Variants in SPECC1 observed in about 807,000 individuals in gnomAD.
The protein encoded by SPECC1 is cytospin-B.
SPECC1 carries 62 observed loss-of-function variants against 104.1 expected under a neutral mutation model. That is an observed-to-expected ratio of 0.60 (90% CI 0.49 to 0.74). SPECC1 has a LOEUF of 0.74. Ranked by LOEUF, SPECC1 falls within the 30% of genes least tolerant of loss-of-function variation. SPECC1 has a pLI of 0.00. For synonymous variants in SPECC1, 513 were observed against 501.6 expected (o/e 1.02, Z -0.30); for missense variants, 1,306 against 1,310.5 (o/e 1.00, Z 0.05).
intron 7 of SPECC1, among the ~76,000 whole-genome samples, chr17:20,241,023 C>T (rs2039177277): frequency 6.6e-6 from 1 of 152,218 alleles, no homozygotes; most frequent in African/African-American, 2.4e-5. Context: ...GACGTTTGCC[C>T]CAGGTCCGTG....
intron 3 of SPECC1, among the ~76,000 whole-genome samples, chr17:20,188,795 C>T (rs985465128): frequency 3.3e-5 from 5 of 152,138 alleles, no homozygotes; most frequent in Admixed American, 6.5e-5. Context: ...TCAAAGGATA[C>T]GGACGATTCC....
intron 14 of SPECC1, among the ~76,000 whole-genome samples, chr17:20,310,317 C>T (rs2041896197): frequency 6.6e-6 from 1 of 152,180 alleles, no homozygotes; most frequent in South Asian, 2.1e-4. Flanking sequence ...CTCCAAAGTG[C>T]CTTCCACAGT....
At position 20,253,604 on chromosome 17, in the gene SPECC1, A is replaced by G; in HGVS notation, c.2680+18A>G. ...CCTCTCAGGTAAATTATGTCAACAT[A>G]AAGAACTTTTGACTTATCTTTCCGT... On this transcript the variant is annotated intron_variant, in intron 10 of 14. Transcript: ENST00000395527. The G allele has an allele frequency of 1.2e-6, 2 of 1,612,296 alleles. No homozygotes were observed. The highest frequency in any genetic ancestry group is 1.7e-6 in the Non-Finnish European group (2 of 1,178,834).
chr17:20,206,466 G>C (rs138705289), intron 4 of SPECC1, among the ~76,000 whole-genome samples: 63 of 152,172 alleles, frequency 4.1e-4, no homozygotes, highest in African/African-American at 1.5e-3. Flanking sequence ...TAATCATCCT[G>C]TACATGTTAT....
intron 3 of SPECC1, among the ~76,000 whole-genome samples, chr17:20,124,351 G>T (rs1032158033): frequency 6.6e-6 from 1 of 152,144 alleles, no homozygotes; most frequent in African/African-American, 2.4e-5. Context: ...GCAGTGGTGG[G>T]ATTCATCCAG....
chr17:20,144,175 CTTTTTTTTTT>C (rs1168474738), intron 3 of SPECC1, among the ~76,000 whole-genome samples: 35 of 94,376 alleles, frequency 3.7e-4, no homozygotes, highest in African/African-American at 8.6e-4. Flanking sequence ...TTTTTCTTTT[CTTTTTTTTTT>C]TTTTTTTTTT....
At chr17:20,018,592 C>T (rs575896176) in intron 1 of SPECC1, among the ~76,000 whole-genome samples, 1 of 152,156 alleles carries the variant, frequency 6.6e-6, no homozygotes, top group African/African-American at 2.4e-5. Flanking sequence ...GTTGGGGGCC[C>T]CCAGGACCAT....
At chr17:20,254,525 C>CA (rs376993657) in intron 10 of SPECC1, among the ~76,000 whole-genome samples, 63 of 152,324 alleles carry the variant, frequency 4.1e-4, no homozygotes, top group Non-Finnish European at 7.9e-4. Context: ...GTGCACATCT[C>CA]ACCTGCTGTT....
Position 20,317,289 on chromosome 17 carries a change from G to A in SPECC1, c.*3224G>A, listed in dbSNP as rs1001552676. 18 of 37,008 alleles carry A rather than the reference G, an allele frequency of 4.9e-4. No individual in the cohort carries two copies. In the East Asian group the frequency reaches 0.016, roughly 33 times the overall value. The allele number at this position is 37,008 out of a possible 1,614,324, so 2.3% of individuals were successfully genotyped here. A position where few individuals can be genotyped will look rare whatever the true frequency, so the allele number is the denominator to read the frequency against. ...TTTTTTTTTTTTTTTTTGAGAGAGC[G>A]TCTCACTTCTCTGTCACCCAGGCTA... On this transcript the variant is annotated 3_prime_UTR_variant, in exon 15 of 15. Transcript: ENST00000395527.
At chr17:20,022,700 T>A (rs1210683710) in intron 1 of SPECC1, among the ~76,000 whole-genome samples, 1 of 152,226 alleles carries the variant, frequency 6.6e-6, no homozygotes, top group African/African-American at 2.4e-5. Flanking sequence ...CTGGGCTGCC[T>A]ACCCACCTGT....
chr17:20,028,614 C>T (rs1284688884), intron 1 of SPECC1, among the ~76,000 whole-genome samples: 1 of 152,126 alleles, frequency 6.6e-6, no homozygotes, highest in Non-Finnish European at 1.5e-5. Flanking sequence ...ATTACTGTTG[C>T]TGTGTCGTAA....
intron 1 of SPECC1, among the ~76,000 whole-genome samples, chr17:20,095,001 G>A (rs902101826): frequency 2.0e-5 from 3 of 152,216 alleles, no homozygotes; most frequent in African/African-American, 7.2e-5. Flanking sequence ...CAGACTGACA[G>A]GTTGCTGGTT....
At chr17:20,169,409 T>G (rs948509860) in intron 3 of SPECC1, among the ~76,000 whole-genome samples, 1 of 152,220 alleles carries the variant, frequency 6.6e-6, no homozygotes, top group Non-Finnish European at 1.5e-5. Flanking sequence ...TTTTCCAAAA[T>G]GCCTTTTGGG....
intron 3 of SPECC1, among the ~76,000 whole-genome samples, chr17:20,130,001 G>C (rs1338618766): frequency 6.6e-6 from 1 of 151,808 alleles, no homozygotes; most frequent in Non-Finnish European, 1.5e-5. Flanking sequence ...TGATCCACCT[G>C]CCTCAGCCTC....
chr17:20,215,029 C>T (rs2037397963), intron 4 of SPECC1, among the ~76,000 whole-genome samples: 2 of 152,326 alleles, frequency 1.3e-5, no homozygotes, highest in South Asian at 4.1e-4. Flanking sequence ...ACAAGGATAC[C>T]CAGGCCTGCA....
chr17:20,245,973 G>A lies in SPECC1; in HGVS notation c.2399G>A (p.Arg800Gln), dbSNP rs149990857. The change falls in exon 8 of 15, where the codon CGG becomes CAG. Residue 800 changes from arginine (R) to glutamine (Q), a missense_variant. Physicochemically the swap from Arg to Gln is conservative, Grantham distance 43. Transcript: ENST00000395527. Reference sequence around the variant, plus strand: ...TCCTCTGAGGTCGATGCTGCTGGTCGGTGGCCTGGTGTCTGTGTTAGCAGA... The same window carrying A: ...TCCTCTGAGGTCGATGCTGCTGGTCAGTGGCCTGGTGTCTGTGTTAGCAGA... ...PESSEVDAAG[R>Q]WPGVCVSRTS... The A allele has an allele frequency of 4.7e-5, 76 of 1,614,004 alleles. No homozygotes were observed. Among genetic ancestry groups the A allele is most frequent in the African/African-American group, 9.3e-5 (7 of 74,910 alleles).
At chr17:20,072,997 G>A (rs960033361) in intron 1 of SPECC1, among the ~76,000 whole-genome samples, 18 of 152,154 alleles carry the variant, frequency 1.2e-4, no homozygotes, top group African/African-American at 9.7e-5. Flanking sequence ...AGCAGGGAAC[G>A]TGGACCCCAG....
chr17:20,184,528 G>A (rs936288838), intron 3 of SPECC1, among the ~76,000 whole-genome samples: 1 of 152,190 alleles, frequency 6.6e-6, no homozygotes, highest in African/African-American at 2.4e-5. Flanking sequence ...GTGATTAAAA[G>A]TATGAACTTT....
At chr17:20,170,420 A>G (rs1567898951) in intron 3 of SPECC1, among the ~76,000 whole-genome samples, 1 of 152,206 alleles carries the variant, frequency 6.6e-6, no homozygotes, top group African/African-American at 2.4e-5. Context: ...GGATTAAAGA[A>G]ATTATTTTAG....
Sources: allele counts gnomAD v4.1 joint callset (sites outside exome capture counted in the v4.1 genomes callset), GRCh38; gene constraint gnomAD v4.1.1; transcripts MANE v1.5; gene names NCBI Gene and HGNC (gene_info 2026-07-23, HGNC 2026-07-21).